Variants in PBRM1 observed in about 807,000 individuals in gnomAD.
The protein encoded by PBRM1 is protein polybromo-1.
PBRM1 carries 27 observed loss-of-function variants against 194.5 expected under a neutral mutation model. The observed-to-expected ratio is 0.14, with a 90% CI of 0.10 to 0.19. The LOEUF (loss-of-function observed/expected upper bound fraction) is 0.19, where lower values mean the gene tolerates loss of function less well. PBRM1 is among the 10% of genes least tolerant of loss of function. PBRM1 has a pLI of 1.00. For synonymous variants in PBRM1, 655 were observed against 693.2 expected (o/e 0.94, Z 0.87); for missense variants, 1,466 against 2,077.2 (o/e 0.71, Z 5.72).
chr3:52,559,923 T>G, intron 25 of PBRM1, among the ~76,000 whole-genome samples: 1 of 143,406 alleles, frequency 7.0e-6, no homozygotes, highest in Non-Finnish European at 1.5e-5. Context: ...CACAGTAAAG[T>G]GGGAAAGCAA....
intron 17 of PBRM1, among the ~76,000 whole-genome samples, chr3:52,598,813 G>C (rs1449952485): frequency 6.6e-6 from 1 of 152,108 alleles, no homozygotes; most frequent in East Asian, 1.9e-4. Flanking sequence ...CTGATGTCAG[G>C]AGTTAAGAGA....
Position 52,609,705 on chromosome 3 carries a change from A to G in PBRM1, c.2175T>C (p.Val725=). ...TATTAAACATCATGACAAAGTCCTC[A>G]ACCATAGAGTCAATATCTTGGTACT... The change falls in exon 16 of 30, where the codon GTT becomes GTC. Residue 725 remains valine, a synonymous_variant. Coordinates refer to ENST00000296302, the Ensembl canonical transcript of PBRM1. The surrounding 1 kb of genome is among the most constrained non-coding windows in gnomAD (Gnocchi z 4.1). 1 of 1,612,598 alleles carries G rather than the reference A, an allele frequency of 6.2e-7. No homozygotes were observed.
exon 18 of PBRM1, chr3:52,589,222 G>A (rs771161122): frequency 1.3e-6 from 2 of 1,559,638 alleles, no homozygotes; most frequent in Non-Finnish European, 8.6e-7. Context: ...TGAGAGGCCT[G>A]CAGCACCAGA....
intron 2 of PBRM1, among the ~76,000 whole-genome samples, chr3:52,674,733 C>T (rs1024875082): frequency 2.0e-5 from 3 of 147,112 alleles, no homozygotes; most frequent in African/African-American, 7.5e-5. Context: ...ATGTATGTAG[C>T]GTTAGGTAAG....
chr3:52,587,535 GGGAAGA>G, intron 18 of PBRM1, 25 bp from the exon 21 acceptor site: 1 of 1,543,122 alleles, frequency 6.5e-7, no homozygotes, highest in Non-Finnish European at 8.8e-7. Flanking sequence ...GTGGGGGAAG[GGGAAGA>G]GAAAGAGAAT....
In PBRM1 at chr3:52,630,204, G is replaced by A. The variant is rs1297066135; in HGVS notation, c.1302-1169C>T. On this transcript the variant is annotated intron_variant, in intron 11 of 29. Coordinates refer to ENST00000296302, the Ensembl canonical transcript of PBRM1. ...AGATTACTATTAATCAAGGGTAGTGGGGGAGGAAAAAGAAAAAAAAATAGG... is the reference window on the plus strand; with the variant it reads ...AGATTACTATTAATCAAGGGTAGTGAGGGAGGAAAAAGAAAAAAAAATAGG... Among the ~76,000 whole-genome samples the A allele has an allele frequency of 3.9e-5, 6 of 152,042 alleles. No individual in the cohort carries two copies. In the East Asian group the frequency reaches 7.7e-4, roughly 20 times the overall value.
downstream of PBRM1, chr3:52,547,417 T>C (rs1338641287): frequency 4.3e-6 from 1 of 233,196 alleles, no homozygotes; most frequent in Non-Finnish European, 8.5e-6. Flanking sequence ...ATTACATATT[T>C]CTGTAGTGAG....
At chr3:52,645,160 T>C (rs1342603824) in intron 7 of PBRM1, among the ~76,000 whole-genome samples, 2 of 152,232 alleles carry the variant, frequency 1.3e-5, no homozygotes, top group African/African-American at 4.8e-5. Context: ...TTTCTGTCTA[T>C]GTCTTCCATC....
At chr3:52,558,166 C>T in intron 26 of PBRM1, 83 bp downstream of exon 28, 1 of 963,154 alleles carries the variant, frequency 1.0e-6, no homozygotes, top group Non-Finnish European at 1.5e-6. Flanking sequence ...AGGCAATAGA[C>T]TGTGGCCTAC....
chr3:52,616,843 G>A (rs1039379389), intron 14 of PBRM1, among the ~76,000 whole-genome samples: 1 of 152,140 alleles, frequency 6.6e-6, no homozygotes, highest in African/African-American at 2.4e-5. Context: ...TCGTAGTAAT[G>A]ATGATGATGA....
chr3:52,620,292 A>G (rs2095214512), intron 13 of PBRM1, among the ~76,000 whole-genome samples: 1 of 152,182 alleles, frequency 6.6e-6, no homozygotes, highest in South Asian at 2.1e-4. Flanking sequence ...ATGTGGTTTG[A>G]TTAGATCTCG....
At chr3:52,546,388 T>A (rs1167175685), downstream of PBRM1, 3 of 229,552 alleles carry the variant, frequency 1.3e-5, no homozygotes, top group African/African-American at 2.2e-5. Context: ...TACATTTTTT[T>A]AAATTCAATA....
chr3:52,647,194 A>G (rs2096318919), intron 7 of PBRM1, among the ~76,000 whole-genome samples: 1 of 151,974 alleles, frequency 6.6e-6, no homozygotes, highest in African/African-American at 2.4e-5. Context: ...GGAGATGTCA[A>G]TCAAAACCAC....
chr3:52,650,653 G>A (rs571502822), intron 6 of PBRM1, among the ~76,000 whole-genome samples: 3 of 152,210 alleles, frequency 2.0e-5, no homozygotes, highest in East Asian at 3.9e-4. Context: ...ACATTTATGA[G>A]GACCTCATGC....
At chr3:52,591,511 G>GTTTTTTTTTTTTTT (rs57736913) in intron 17 of PBRM1, among the ~76,000 whole-genome samples, 20 of 71,844 alleles carry the variant, frequency 2.8e-4, no homozygotes, top group Admixed American at 4.0e-4. Flanking sequence ...TTTTGTCTTT[G>GTTTTTTTTTTTTTT]TTTTTTTTTT....
At chr3:52,558,285 T>A in exon 26 of PBRM1, 1 of 1,548,480 alleles carries the variant, frequency 6.5e-7, no homozygotes, top group Middle Eastern at 1.7e-4. Flanking sequence ...AGCATCCCCA[T>A]TGGTGTTGGT....
intron 17 of PBRM1, among the ~76,000 whole-genome samples, chr3:52,595,467 T>C (rs1018478165): frequency 4.6e-5 from 7 of 152,246 alleles, no homozygotes; most frequent in South Asian, 2.1e-4. Flanking sequence ...TGTCTGCCAT[T>C]TGTATGTCTC....
chr3:52,611,352 T>C (rs553628038), intron 15 of PBRM1, among the ~76,000 whole-genome samples: 14 of 152,312 alleles, frequency 9.2e-5, no homozygotes, highest in Admixed American at 2.6e-4. Flanking sequence ...AAGCCATAAA[T>C]AGATTTCACA....
chr3:52,555,927 A>G (rs1384602298), intron 26 of PBRM1, among the ~76,000 whole-genome samples: 4 of 152,204 alleles, frequency 2.6e-5, no homozygotes, highest in African/African-American at 4.8e-5. Flanking sequence ...TAAAACAAGA[A>G]AAACAACTTG....
Sources: allele counts gnomAD v4.1 joint callset (sites outside exome capture counted in the v4.1 genomes callset), GRCh38; gene constraint gnomAD v4.1.1; non-coding constraint Gnocchi (gnomAD v3.1); transcripts MANE v1.5; gene names NCBI Gene and HGNC (gene_info 2026-07-23, HGNC 2026-07-21).